The following FAM168B variants were observed in gnomAD, a reference collection of about 807,000 sequenced individuals.
FAM168B encodes family with sequence similarity 168 member B, also known as myelin-associated neurite-outgrowth inhibitor.
FAM168B carries 19 observed loss-of-function variants against 21.8 expected under a neutral mutation model. That is an observed-to-expected ratio of 0.87 (90% CI 0.61 to 1.28). The LOEUF is 1.28. FAM168B is among the 50% of genes most tolerant of loss of function. FAM168B has a pLI of 0.00. For missense variants in FAM168B, 233 were observed against 263.1 expected, an observed-to-expected ratio of 0.89 and a Z score of 0.79; for synonymous variants, 126 against 104.8, an observed-to-expected ratio of 1.20 and a Z score of -1.24.
At position 131,061,117 on chromosome 2, in the gene FAM168B, C is replaced by T. The variant is rs1449145665; in HGVS notation, c.155-5422G>A. 1.4e-5 allele frequency among the ~76,000 whole-genome samples: 2 copies of T among 144,762 alleles called. 1 individual carries two copies. Among genetic ancestry groups the T allele is most frequent in the Admixed American group, 1.4e-4 (2 of 14,640 alleles). 95.0% of individuals were successfully genotyped at this position (144,762 alleles called of 152,430 possible). ...CCACCCACCTTGGCCTCCCAAAGTG[C>T]TGGGATGACAGGCGTGAGCCACCGC... is the stretch of plus-strand genomic sequence containing the variant. On this transcript the variant is annotated intron_variant, in intron 3 of 6. Coordinates refer to ENST00000389915, the MANE Select transcript of FAM168B (RefSeq NM_001009993.4).
chr2:131,048,283 G>T lies in FAM168B; in HGVS notation c.*4182C>A, dbSNP rs1358429636. The T allele has an allele frequency of 5.4e-6, 7 of 1,304,168 alleles. No individual in the cohort carries two copies. The highest frequency in any genetic ancestry group is 7.1e-6 in the Non-Finnish European group (7 of 988,950). 80.8% of individuals were successfully genotyped at this position (1,304,168 alleles called of 1,614,324 possible). A position where few individuals can be genotyped will look rare whatever the true frequency, so the allele number is the denominator to read the frequency against. On this transcript the variant is annotated 3_prime_UTR_variant, in exon 7 of 7. Transcript: ENST00000389915. The stretch of plus-strand genomic sequence containing the variant: ...AACCCTGCTAGGAGCACAAACGGCT[G>T]GCCTGAGATCTGGCCCAGCTGCCTT...
chr2:131,052,086 C>T lies in FAM168B; in HGVS notation c.*379G>A, dbSNP rs1691712975. 1 of 985,702 alleles carries T rather than the reference C, an allele frequency of 1.0e-6. No homozygotes were observed. Among genetic ancestry groups the T allele is most frequent in the South Asian group, 4.7e-5 (1 of 21,296 alleles). 61.1% of individuals were successfully genotyped at this position (985,702 alleles called of 1,614,324 possible). A position where few individuals can be genotyped will look rare whatever the true frequency, so the allele number is the denominator to read the frequency against. ...GTGATACAAGTTGTAAAATACGTTT[C>T]CATTCCTTTGGATTTTGCATATGAT... On this transcript the variant is annotated 3_prime_UTR_variant, in exon 7 of 7. Coordinates refer to ENST00000389915, the MANE Select transcript of FAM168B (RefSeq NM_001009993.4).
chr2:131,078,164 A>G (rs1018951807), intron 2 of FAM168B, among the ~76,000 whole-genome samples: 2 of 152,234 alleles, frequency 1.3e-5, no homozygotes, highest in African/African-American at 4.8e-5. Flanking sequence ...TGTGACGGAA[A>G]AACAAAAGAA....
chr2:131,053,602 C>A (rs904480812), intron 5 of FAM168B, among the ~76,000 whole-genome samples: 1 of 152,152 alleles, frequency 6.6e-6, no homozygotes, highest in Non-Finnish European at 1.5e-5. Flanking sequence ...ATGGGCTGGG[C>A]ACAGGGGCTC....
chr2:131,065,978 C>T (rs1692536711), intron 3 of FAM168B, among the ~76,000 whole-genome samples: 2 of 151,992 alleles, frequency 1.3e-5, no homozygotes, highest in South Asian at 2.1e-4. Flanking sequence ...GTTTGCACAT[C>T]CAATTATTGC....
chr2:131,050,753 T>G lies in FAM168B; in HGVS notation c.*1712A>C. 1 of 985,412 alleles carries G rather than the reference T, an allele frequency of 1.0e-6. No homozygotes were observed. The highest frequency in any genetic ancestry group is 4.7e-5 in the South Asian group (1 of 21,282). 61.0% of individuals were successfully genotyped at this position (985,412 alleles called of 1,614,324 possible). ...CCAACCAACTGGGGCAGAATGCTAG[T>G]GGGCATCCTCACTGGGCGCCAGTGC... On this transcript the variant is annotated 3_prime_UTR_variant, in exon 7 of 7. Coordinates refer to ENST00000389915, the MANE Select transcript of FAM168B (RefSeq NM_001009993.4).
At chr2:131,080,367 G>A (rs565924188) in intron 2 of FAM168B, among the ~76,000 whole-genome samples, 279 of 151,666 alleles carry the variant, frequency 1.8e-3, no homozygotes, top group Non-Finnish European at 2.5e-3. Context: ...CAGAAAAAGA[G>A]GGGCTCACGC....
chr2:131,086,633 T>C (rs1439037545), intron 1 of FAM168B, among the ~76,000 whole-genome samples: 1 of 152,136 alleles, frequency 6.6e-6, no homozygotes, highest in Non-Finnish European at 1.5e-5. Flanking sequence ...ACTATCCAAA[T>C]ATGGTAAGTG....
chr2:131,089,680 T>C (rs927181227), intron 1 of FAM168B, among the ~76,000 whole-genome samples: 2 of 143,488 alleles, frequency 1.4e-5, no homozygotes, highest in East Asian at 2.1e-4. Flanking sequence ...ATGGCGCCAC[T>C]GCACTCCAGT....
In FAM168B at chr2:131,056,850, A is replaced by C. The variant is rs189576366; in HGVS notation, c.155-1155T>G. ...ACATGCTGGATGCATGTACTGACAG[A>C]AGCTCTAGGAAAGACCAACCTAATC... On this transcript the variant is annotated intron_variant, in intron 3 of 6. Coordinates refer to ENST00000389915, the MANE Select transcript of FAM168B (RefSeq NM_001009993.4). Among the ~76,000 whole-genome samples the C allele has an allele frequency of 6.6e-4, 98 of 148,052 alleles. 1 individual carries two copies. Among genetic ancestry groups the C allele is most frequent in the African/African-American group, 2.2e-3 (83 of 37,562 alleles).
At chr2:131,055,183 A>C in intron 5 of FAM168B, 89 bp downstream of exon 5, 2 of 1,268,030 alleles carry the variant, frequency 1.6e-6, no homozygotes, top group Non-Finnish European at 2.1e-6. Flanking sequence ...ATGAAAACCT[A>C]GAGCCAAGGG....
chr2:131,053,018 G>A lies in FAM168B; in HGVS notation c.476-3C>T, dbSNP rs1193256073. 1 of 1,547,392 alleles carries A rather than the reference G, an allele frequency of 6.5e-7. No individual in the cohort carries two copies. Among genetic ancestry groups the A allele is most frequent in the East Asian group, 2.5e-5 (1 of 40,768 alleles). On this transcript the variant is annotated splice_region_variant and splice_polypyrimidine_tract_variant and intron_variant, in intron 5 of 6. Coordinates refer to ENST00000389915, the MANE Select transcript of FAM168B (RefSeq NM_001009993.4). The stretch of plus-strand genomic sequence containing the variant: ...GGAGTGAGCAGTCAGCAGGGTACCT[G>A]GAAGAAAGAGCAGCACATGACATGA...
At chr2:131,086,415 G>C (rs547403017) in intron 1 of FAM168B, among the ~76,000 whole-genome samples, 2 of 152,062 alleles carry the variant, frequency 1.3e-5, no homozygotes, top group Non-Finnish European at 2.9e-5. Context: ...AGATGGAAAC[G>C]AGCCCTGGCA....
At chr2:131,058,533 G>A (rs1215191747) in intron 3 of FAM168B, among the ~76,000 whole-genome samples, 1 of 152,166 alleles carries the variant, frequency 6.6e-6, no homozygotes, top group Non-Finnish European at 1.5e-5. Flanking sequence ...GTCTCCATTT[G>A]AAGAAAGAAA....
At position 131,055,678 on chromosome 2, in the gene FAM168B, G is replaced by C; in HGVS notation, c.172C>G (p.Pro58Ala). The C allele has an allele frequency of 6.2e-7, 1 of 1,613,864 alleles. No individual in the cohort carries two copies. The highest frequency in any genetic ancestry group is 8.5e-7 in the Non-Finnish European group (1 of 1,179,888). Residue 58 changes from proline to alanine, a missense_variant, in exon 4 of 7, where the codon CCT (proline) becomes GCT (alanine). Coordinates refer to ENST00000389915, the MANE Select transcript of FAM168B (RefSeq NM_001009993.4). ...TFQTGYTPGT[P>A]YKVSCSPTSG... ...GTGGGGGAACAGGACACTTTGTAAG[G>C]TGTGCCAGGAGTGTAACCTGGAACA...
intron 1 of FAM168B, among the ~76,000 whole-genome samples, chr2:131,089,931 C>G (rs1039360522): frequency 3.3e-5 from 5 of 151,644 alleles, no homozygotes; most frequent in African/African-American, 9.7e-5. Context: ...ACTTGGGAGG[C>G]CGAGGCAGGA....
At position 131,050,595 on chromosome 2, in the gene FAM168B, C is replaced by T; in HGVS notation, c.*1870G>A. ...TTAATAGACATCAGGAATAAAGAAT[C>T]TGCTGTTTACAATGATCCATGCAAA... On this transcript the variant is annotated 3_prime_UTR_variant, in exon 7 of 7. Coordinates refer to ENST00000389915, the MANE Select transcript of FAM168B (RefSeq NM_001009993.4). The T allele has an allele frequency of 1.0e-6, 1 of 985,726 alleles. No individual in the cohort carries two copies. The highest frequency in any genetic ancestry group is 4.7e-5 in the South Asian group (1 of 21,288). 61.1% of individuals were successfully genotyped at this position (985,726 alleles called of 1,614,324 possible).
chr2:131,082,361 G>C (rs759678633), intron 2 of FAM168B, among the ~76,000 whole-genome samples: 2 of 152,182 alleles, frequency 1.3e-5, no homozygotes, highest in South Asian at 4.1e-4. Context: ...CTGAGACCAG[G>C]AGGTAGAGAA....
intron 1 of FAM168B, among the ~76,000 whole-genome samples, chr2:131,088,302 G>A (rs1693822381): frequency 1.3e-5 from 2 of 151,888 alleles, no homozygotes; most frequent in South Asian, 2.1e-4. Context: ...TACAAGAAAC[G>A]CAGGAGTAGG....
Sources: allele counts gnomAD v4.1 joint callset (sites outside exome capture counted in the v4.1 genomes callset), GRCh38; gene constraint gnomAD v4.1.1; transcripts MANE v1.5; gene names NCBI Gene and HGNC (gene_info 2026-07-23, HGNC 2026-07-21).